The following GBF1 variants were observed in gnomAD, a reference collection of about 807,000 sequenced individuals.
GBF1 encodes the protein Golgi-specific brefeldin A-resistance guanine nucleotide exchange factor 1.
In GBF1, 114 loss-of-function variants were observed where a neutral mutation model predicts 210.5. The ratio of observed to expected loss-of-function variants is 0.54; its 90% confidence interval spans 0.47 to 0.63. The LOEUF is 0.63. Ranked by LOEUF, GBF1 falls within the 30% of genes least tolerant of loss-of-function variation. The pLI is 0.00. For synonymous variants in GBF1, 850 were observed against 889.2 expected (o/e 0.96, Z 0.78); for missense variants, 1,851 against 2,357.7 (o/e 0.79, Z 4.45).
At position 102,306,480 on chromosome 10, in the gene GBF1, A is replaced by G. The variant is rs186590075; in HGVS notation, c.164-37571A>G. ...CTCTTGTCGCCCAGGCTGGAGTGCA[A>G]TGGCGCAATCTTGGATCACTGCACC... On this transcript the variant is annotated intron_variant, in intron 3 of 39. Coordinates refer to ENST00000369983, the MANE Select transcript of GBF1 (RefSeq NM_001377137.1). 1.6e-4 allele frequency among the ~76,000 whole-genome samples: 24 copies of G among 152,172 alleles called. No individual in the cohort carries two copies. The South Asian group carries it at 2.5e-3, about 16-fold the overall frequency.
chr10:102,232,068 G>A, the GBF1 span: 62 of 1,598,970 alleles, frequency 3.9e-5, no homozygotes, highest in Middle Eastern at 1.6e-4. Context: ...TCGCTGAGCA[G>A]GCCGAACTCC....
rs369538918 is a variant in GBF1 at position 102,380,027 on chromosome 10, T to A, written c.4878+73T>A. On this transcript the variant is annotated intron_variant, in intron 36 of 39. Transcript: ENST00000369983. Reference sequence around the variant, plus strand: ...TCCCGAGGAGGGAAGCCAGGGCTTCTGGCAGGACCTAGAGATGCACTGTAG... The same window carrying A: ...TCCCGAGGAGGGAAGCCAGGGCTTCAGGCAGGACCTAGAGATGCACTGTAG... 175 of 1,040,036 alleles carry A rather than the reference T, an allele frequency of 1.7e-4. 1 individual carries two copies. In the East Asian group the frequency reaches 3.3e-3, roughly 19 times the overall value. 64.4% of individuals were successfully genotyped at this position (1,040,036 alleles called of 1,614,324 possible). A position where few individuals can be genotyped will look rare whatever the true frequency, so the allele number is the denominator to read the frequency against.
intron 3 of GBF1, among the ~76,000 whole-genome samples, chr10:102,329,603 A>G (rs1184687912): frequency 1.3e-5 from 2 of 151,836 alleles, no homozygotes; most frequent in African/African-American, 4.8e-5. Flanking sequence ...AGCTGGGACT[A>G]CAGGTGCCCG....
chr10:102,288,206 A>G (rs1189794939), intron 3 of GBF1, among the ~76,000 whole-genome samples: 1 of 152,182 alleles, frequency 6.6e-6, no homozygotes, highest in African/African-American at 2.4e-5. Flanking sequence ...GAGCACTTCA[A>G]CTGGATTCAG....
intron 3 of GBF1, among the ~76,000 whole-genome samples, chr10:102,342,379 TCA>T (rs1256731151): frequency 1.3e-5 from 2 of 149,720 alleles, no homozygotes; most frequent in African/African-American, 2.5e-5. Context: ...TTTCAGTTTT[TCA>T]CACACACGCA....
intron 3 of GBF1, among the ~76,000 whole-genome samples, chr10:102,343,586 G>A (rs1392272647): frequency 6.6e-6 from 1 of 152,100 alleles, no homozygotes; most frequent in Non-Finnish European, 1.5e-5. Context: ...GGGAGGGCAA[G>A]GCAGGGACAA....
intron 33 of GBF1, among the ~76,000 whole-genome samples, chr10:102,378,412 C>G (rs1435174015): frequency 1.3e-5 from 2 of 151,902 alleles, no homozygotes; most frequent in Non-Finnish European, 2.9e-5. Context: ...CACTTGAGGC[C>G]AGGAGTTCGA....
intron 4 of GBF1, among the ~76,000 whole-genome samples, chr10:102,349,625 C>T (rs1388824896): frequency 1.3e-5 from 2 of 152,126 alleles, no homozygotes; most frequent in Non-Finnish European, 2.9e-5. Context: ...CACCATGCCA[C>T]CTCTGGAGCA....
the GBF1 span, among the ~76,000 whole-genome samples, chr10:102,234,185 G>C: frequency 1.3e-5 from 2 of 152,178 alleles, no homozygotes; most frequent in African/African-American, 4.8e-5. Context: ...CTTTCTCAGG[G>C]AGGTGCAGAT....
upstream of GBF1, among the ~76,000 whole-genome samples, chr10:102,243,505 C>A (rs2133822482): frequency 6.6e-6 from 1 of 152,218 alleles, no homozygotes; most frequent in East Asian, 1.9e-4. Context: ...CAATCACATG[C>A]TTTTAGAATG....
In GBF1 at chr10:102,307,197, T is replaced by C. The variant is rs561209639; in HGVS notation, c.164-36854T>C. ...TTTCCCCACACTTTTGTTCCTGTTA[T>C]AGTGGGAGGATGATTTTCAGCTCTT... On this transcript the variant is annotated intron_variant, in intron 3 of 39. Coordinates refer to ENST00000369983, the MANE Select transcript of GBF1 (RefSeq NM_001377137.1). 1.4e-3 allele frequency among the ~76,000 whole-genome samples: 220 copies of C among 152,250 alleles called. 1 individual carries two copies. The highest frequency in any genetic ancestry group is 3.3e-3 in the South Asian group (16 of 4,820).
At chr10:102,312,194 G>A (rs182031819) in intron 3 of GBF1, among the ~76,000 whole-genome samples, 4 of 152,116 alleles carry the variant, frequency 2.6e-5, no homozygotes, top group East Asian at 1.9e-4. Flanking sequence ...AATGGAGGCC[G>A]AGGCGGGAGA....
intron 3 of GBF1, among the ~76,000 whole-genome samples, chr10:102,295,679 ATTT>A (rs2076852768): frequency 6.6e-6 from 1 of 152,184 alleles, no homozygotes; most frequent in South Asian, 2.1e-4. Flanking sequence ...TGTTTACATA[ATTT>A]ACATTTATAT....
the GBF1 span, among the ~76,000 whole-genome samples, chr10:102,235,631 CCTCA>C: frequency 6.6e-6 from 1 of 151,678 alleles, no homozygotes; most frequent in East Asian, 1.9e-4. Context: ...AGTTTTTTTT[CCTCA>C]CTCATTAAAC....
At chr10:102,316,282 T>C (rs113932897) in intron 3 of GBF1, among the ~76,000 whole-genome samples, 7,415 of 152,160 alleles carry the variant, frequency 0.049, 367 homozygotes, top group African/African-American at 0.13. Flanking sequence ...AGATGGGATT[T>C]CACCGTCTTG....
At chr10:102,315,713 C>T (rs917985212) in intron 3 of GBF1, among the ~76,000 whole-genome samples, 3 of 152,132 alleles carry the variant, frequency 2.0e-5, no homozygotes, top group African/African-American at 2.4e-5. Flanking sequence ...AATGCTCACT[C>T]GCCCGCTGCT....
chr10:102,381,925 G>A, intron 39 of GBF1, 131 bp from the exon 40 acceptor site: 6 of 636,264 alleles, frequency 9.4e-6, no homozygotes, highest in South Asian at 3.1e-5. Flanking sequence ...AACTTTTTAG[G>A]CTGGTGGGGG....
At chr10:102,337,509 T>G (rs958100257) in intron 3 of GBF1, among the ~76,000 whole-genome samples, 2 of 152,156 alleles carry the variant, frequency 1.3e-5, no homozygotes, top group African/African-American at 4.8e-5. Flanking sequence ...TCAAATTTGT[T>G]TGTTTTTAAA....
chr10:102,276,392 G>A (rs1418649309), intron 3 of GBF1, among the ~76,000 whole-genome samples: 1 of 149,824 alleles, frequency 6.7e-6, no homozygotes, highest in Non-Finnish European at 1.5e-5. Context: ...TGGGCATGGT[G>A]GCGGGCGCCT....
Sources: allele counts gnomAD v4.1 joint callset (sites outside exome capture counted in the v4.1 genomes callset), GRCh38; gene constraint gnomAD v4.1.1; transcripts MANE v1.5; gene names NCBI Gene and HGNC (gene_info 2026-07-23, HGNC 2026-07-21).